RASGEF1C: variants seen among roughly 807,000 people sequenced by gnomAD.
RASGEF1C encodes ras-GEF domain-containing family member 1C.
In RASGEF1C, 27 loss-of-function variants were observed where a neutral mutation model predicts 58.1. The observed-to-expected ratio is 0.46, with a 90% CI of 0.34 to 0.64. The LOEUF (loss-of-function observed/expected upper bound fraction) is 0.64. RASGEF1C is among the 30% of genes least tolerant of loss of function. RASGEF1C has a pLI of 0.01. For synonymous variants in RASGEF1C, 243 were observed against 246.3 expected, an observed-to-expected ratio of 0.99 and a Z score of 0.13; for missense variants, 502 against 605.1, an observed-to-expected ratio of 0.83 and a Z score of 1.79.
At chr5:180,120,709 G>A (rs1017486512) in intron 7 of RASGEF1C, among the ~76,000 whole-genome samples, 18 of 152,154 alleles carry the variant, frequency 1.2e-4, no homozygotes, top group Non-Finnish European at 7.4e-5. Flanking sequence ...TCTAGGTCCC[G>A]AGCCAGCCAA....
chr5:180,173,686 G>A (rs553600834), intron 1 of RASGEF1C, among the ~76,000 whole-genome samples: 17 of 150,852 alleles, frequency 1.1e-4, no homozygotes, highest in South Asian at 4.1e-4. Flanking sequence ...AGGCCAAGGT[G>A]GGCAGATCAC....
At position 180,101,282 on chromosome 5, in the gene RASGEF1C, G is replaced by A. The variant is rs574555681; in HGVS notation, c.*219C>T. 212 of 588,802 alleles carry A rather than the reference G, an allele frequency of 3.6e-4. 2 individuals are homozygous for A. The South Asian group carries it at 3.6e-3, about 10-fold the overall frequency. The allele number at this position is 588,802 out of a possible 1,614,324, so 36.5% of individuals were successfully genotyped here. ...TCCCCAAGGCATGTGCCGCCCGCAC[G>A]TCTGGAGGCCCTGGGTCCTGCCAGG... On this transcript the variant is annotated 3_prime_UTR_variant, in exon 14 of 14. Transcript: ENST00000361132.
At chr5:180,127,183 C>CA (rs1254351777) in intron 6 of RASGEF1C, among the ~76,000 whole-genome samples, 5 of 152,284 alleles carry the variant, frequency 3.3e-5, no homozygotes, top group African/African-American at 1.2e-4. Context: ...CCATCCCGGG[C>CA]AGCGGGCAGC....
intron 6 of RASGEF1C, among the ~76,000 whole-genome samples, chr5:180,127,207 C>T (rs573506783): frequency 5.9e-5 from 9 of 152,232 alleles, no homozygotes; most frequent in Non-Finnish European, 1.0e-4. Context: ...CCGCGCTTCC[C>T]CGCGTGGCCG....
rs992041846 is a variant in RASGEF1C, at chr5:180,101,356, G to T, written c.*145C>A. ...CTGTGCCCGTATGGCCACTGTGGGG[G>T]GGGGGGGGGCGGGCAGCAGGCCACA... On this transcript the variant is annotated 3_prime_UTR_variant, in exon 14 of 14. Coordinates refer to ENST00000361132, the MANE Select transcript of RASGEF1C (RefSeq NM_175062.4). 51 of 888,840 alleles carry T rather than the reference G, an allele frequency of 5.7e-5. No individual in the cohort carries two copies. The highest frequency in any genetic ancestry group is 8.3e-5 in the Non-Finnish European group (48 of 579,592). The allele number at this position is 888,840 out of a possible 1,614,324, so 55.1% of individuals were successfully genotyped here.
Position 180,109,626 on chromosome 5 carries a change from C to G in RASGEF1C, c.1303+1831G>C, listed in dbSNP as rs1225103756. On this transcript the variant is annotated intron_variant, in intron 12 of 13. Transcript: ENST00000361132. The stretch of plus-strand genomic sequence containing the variant: ...ATATCTTGGATTATATGTGGGGGCC[C>G]TAAATGCAATCACAGGTGTCCTTAT... Among the ~76,000 whole-genome samples the G allele has an allele frequency of 2.0e-5, 3 of 152,108 alleles. 1 individual carries two copies. Among genetic ancestry groups the G allele is most frequent in the Non-Finnish European group, 4.4e-5 (3 of 68,032 alleles).
intron 6 of RASGEF1C, among the ~76,000 whole-genome samples, chr5:180,126,213 A>T (rs373880773): frequency 6.6e-6 from 1 of 152,114 alleles, no homozygotes; most frequent in African/African-American, 2.4e-5. Context: ...CGAGACCATC[A>T]TGGCTTACAC....
At chr5:180,123,438 A>G (rs1766208594) in intron 6 of RASGEF1C, among the ~76,000 whole-genome samples, 1 of 152,258 alleles carries the variant, frequency 6.6e-6, no homozygotes, top group Admixed American at 6.5e-5. Context: ...GAGAATACGC[A>G]TTCTTTTCAA....
chr5:180,122,146 A>G (rs1766186770), intron 6 of RASGEF1C, among the ~76,000 whole-genome samples: 1 of 152,190 alleles, frequency 6.6e-6, no homozygotes, highest in South Asian at 2.1e-4. Flanking sequence ...TGATATATTG[A>G]TCCGCTGGCA....
chr5:180,125,268 A>G (rs1208472948), intron 6 of RASGEF1C, among the ~76,000 whole-genome samples: 1 of 152,256 alleles, frequency 6.6e-6, no homozygotes, highest in Non-Finnish European at 1.5e-5. Flanking sequence ...GAAAAAATAA[A>G]TGAAATTTAA....
At chr5:180,190,657 G>A (rs1177511930) in intron 1 of RASGEF1C, among the ~76,000 whole-genome samples, 1 of 151,284 alleles carries the variant, frequency 6.6e-6, no homozygotes, top group African/African-American at 2.4e-5. Context: ...GACAGAGCTA[G>A]ACCCTGTCTC....
intron 4 of RASGEF1C, among the ~76,000 whole-genome samples, chr5:180,132,969 G>GAA (rs34307583): frequency 0.092 from 9,101 of 99,028 alleles, 434 homozygotes; most frequent in Non-Finnish European, 0.1. Context: ...CTCCGTCTCA[G>GAA]AAAAAAAAAA....
chr5:180,141,002 A>G (rs1766569420), intron 1 of RASGEF1C, among the ~76,000 whole-genome samples: 2 of 152,242 alleles, frequency 1.3e-5, no homozygotes, highest in South Asian at 2.1e-4. Context: ...CCTTGTGTGC[A>G]AAAACAGCCA....
At position 180,103,346 on chromosome 5, in the gene RASGEF1C, A is replaced by G. The variant is rs141798532; in HGVS notation, c.1304-1203T>C. Among the ~76,000 whole-genome samples the G allele has an allele frequency of 9.3e-3, 1,414 of 152,216 alleles. 21 individuals are homozygous for G. Among genetic ancestry groups the G allele is most frequent in the African/African-American group, 0.029 (1,190 of 41,536 alleles). On this transcript the variant is annotated intron_variant, in intron 12 of 13. Coordinates refer to ENST00000361132, the MANE Select transcript of RASGEF1C (RefSeq NM_175062.4). ...CCCGCCTCGGCCTCCCAGAGTGCTG[A>G]GATTACAGGCGTGAGCCACCGCACC...
At chr5:180,192,333 A>T (rs1756178389) in intron 1 of RASGEF1C, among the ~76,000 whole-genome samples, 1 of 152,224 alleles carries the variant, frequency 6.6e-6, no homozygotes. Context: ...TACGTTCTAA[A>T]CTAATCATGC....
In RASGEF1C at chr5:180,168,703, C is replaced by G. The variant is rs1767057095; in HGVS notation, c.-6-30645G>C. Among the ~76,000 whole-genome samples, 1 of 152,162 alleles carries G rather than the reference C, an allele frequency of 6.6e-6. No homozygotes were observed. Among genetic ancestry groups the G allele is most frequent in the Admixed American group, 6.5e-5 (1 of 15,268 alleles). On this transcript the variant is annotated intron_variant, in intron 1 of 13. Coordinates refer to ENST00000361132, the MANE Select transcript of RASGEF1C (RefSeq NM_175062.4). This position sits in a 1 kb window ranked among gnomAD's most constrained non-coding sequence, Gnocchi z 6.0. ...CTCCCCTCAGAGAGGAAGGCCTCGCCCTCTTGGAATTCTGGGCTCCTGTGG... is the reference window on the plus strand; with the variant it reads ...CTCCCCTCAGAGAGGAAGGCCTCGCGCTCTTGGAATTCTGGGCTCCTGTGG...
At chr5:180,204,809 A>G (rs991630309) in intron 1 of RASGEF1C, among the ~76,000 whole-genome samples, 1 of 152,218 alleles carries the variant, frequency 6.6e-6, no homozygotes, top group African/African-American at 2.4e-5. Flanking sequence ...CAATTTAATT[A>G]GATAAAAGAA....
chr5:180,147,949 GTC>G (rs1488456662), intron 1 of RASGEF1C, among the ~76,000 whole-genome samples: 1 of 152,120 alleles, frequency 6.6e-6, no homozygotes, highest in Non-Finnish European at 1.5e-5. Flanking sequence ...AGGTATTGCA[GTC>G]TCTGACTATT....
intron 1 of RASGEF1C, among the ~76,000 whole-genome samples, chr5:180,203,279 G>A (rs887700642): frequency 2.0e-5 from 3 of 152,148 alleles, no homozygotes; most frequent in African/African-American, 4.8e-5. Flanking sequence ...TGTATGTCAC[G>A]TTATACTATG....
Sources: allele counts gnomAD v4.1 joint callset (sites outside exome capture counted in the v4.1 genomes callset), GRCh38; gene constraint gnomAD v4.1.1; non-coding constraint Gnocchi (gnomAD v3.1); transcripts MANE v1.5; gene names NCBI Gene and HGNC (gene_info 2026-07-23, HGNC 2026-07-21).